Variants in CNTN4 observed in about 807,000 individuals in gnomAD.
CNTN4 encodes the protein contactin 4, also known as contactin-4.
Under a neutral mutation model 122.5 loss-of-function variants are expected in CNTN4, and 77 were observed. That is an observed-to-expected ratio of 0.63 (90% CI 0.52 to 0.76). CNTN4 has a LOEUF of 0.76. CNTN4 is among the 30% of genes least tolerant of loss of function. The probability of loss-of-function intolerance (pLI) is 0.00; values close to 1 mark genes in which losing one functional copy is unlikely to be tolerated. For missense variants in CNTN4, 1,256 were observed against 1,259.1 expected, an observed-to-expected ratio of 1.00 and a Z score of 0.04; for synonymous variants, 512 against 447.0, an observed-to-expected ratio of 1.15 and a Z score of -1.83.
chr3:3,037,225 T>C lies in CNTN4; in HGVS notation c.1989T>C (p.Gly663=), dbSNP rs561339404. The change falls in exon 18 of 25, where the codon GGT becomes GGC. Residue 663 remains glycine (G), a synonymous_variant. Transcript: ENST00000418658. ...DGKTFTATVV[G]LNPWVEYEFR... is the part of the protein sequence containing the mutation. The stretch of plus-strand genomic sequence containing the variant: ...AGACATTCACAGCGACCGTGGTGGG[T>C]TTGAACCCTTGGGTTGAATATGAAT... 6 of 1,614,192 alleles carry C rather than the reference T, an allele frequency of 3.7e-6. No individual in the cohort carries two copies. In the Admixed American group the frequency reaches 5.0e-5, roughly 13 times the overall value.
intron 2 of CNTN4, among the ~76,000 whole-genome samples, chr3:2,174,983 A>G (rs1272805655): frequency 1.3e-5 from 2 of 152,182 alleles, no homozygotes; most frequent in Admixed American, 1.3e-4. Flanking sequence ...CCCCATCTCC[A>G]AAACTGGAGT....
At chr3:2,321,188 T>A (rs2043265524) in intron 2 of CNTN4, among the ~76,000 whole-genome samples, 1 of 152,150 alleles carries the variant, frequency 6.6e-6, no homozygotes, top group African/African-American at 2.4e-5. Flanking sequence ...CTTATAAACA[T>A]GTCTTTGTTT....
intron 2 of CNTN4, among the ~76,000 whole-genome samples, chr3:2,161,932 G>A (rs114838307): frequency 1.7e-4 from 26 of 152,214 alleles, no homozygotes; most frequent in African/African-American, 5.8e-4. Flanking sequence ...AATCTGCTCC[G>A]TTCTTTGACA....
chr3:3,051,690 ATCTT>A (rs1241511140), intron 23 of CNTN4, among the ~76,000 whole-genome samples: 1 of 152,228 alleles, frequency 6.6e-6, no homozygotes, highest in Non-Finnish European at 1.5e-5. Context: ...ACACTTATGA[ATCTT>A]TCTACCTTAA....
At chr3:2,370,440 A>G (rs1217750185) in intron 3 of CNTN4, among the ~76,000 whole-genome samples, 1 of 152,190 alleles carries the variant, frequency 6.6e-6, no homozygotes, top group East Asian at 1.9e-4. Context: ...ACCATAGTCA[A>G]GTATAATGAC....
At chr3:2,684,352 G>T (rs1367718261) in intron 4 of CNTN4, among the ~76,000 whole-genome samples, 1 of 152,112 alleles carries the variant, frequency 6.6e-6, no homozygotes, top group Non-Finnish European at 1.5e-5. Flanking sequence ...GACAGCTAGG[G>T]GAGTAAGGAA....
intron 7 of CNTN4, among the ~76,000 whole-genome samples, chr3:2,840,985 A>T (rs142341330): frequency 1.1e-4 from 16 of 152,276 alleles, no homozygotes; most frequent in African/African-American, 3.6e-4. Flanking sequence ...TTGCCAGGGT[A>T]CTTGTTTCTC....
At chr3:2,919,333 C>G (rs1324940841) in intron 12 of CNTN4, among the ~76,000 whole-genome samples, 3 of 131,836 alleles carry the variant, frequency 2.3e-5, no homozygotes, top group Non-Finnish European at 3.1e-5. Flanking sequence ...GCCTGGGTGA[C>G]AGAGCAAGAC....
intron 3 of CNTN4, among the ~76,000 whole-genome samples, chr3:2,348,049 T>G (rs1163487447): frequency 6.6e-6 from 1 of 152,216 alleles, no homozygotes; most frequent in Non-Finnish European, 1.5e-5. Context: ...TTCGTAATTT[T>G]ATAGTTTGAG....
intron 2 of CNTN4, among the ~76,000 whole-genome samples, chr3:2,322,203 A>C (rs951328335): frequency 3.3e-5 from 5 of 152,176 alleles, no homozygotes; most frequent in Non-Finnish European, 5.9e-5. Flanking sequence ...ATCAAAATTT[A>C]ATTTGAAAGC....
chr3:2,183,779 G>T (rs530307753), intron 2 of CNTN4, among the ~76,000 whole-genome samples: 1 of 152,220 alleles, frequency 6.6e-6, no homozygotes, highest in African/African-American at 2.4e-5. Context: ...ATTTGAGAAT[G>T]ATAGTCACAT....
chr3:2,180,433 A>G (rs1255652772), intron 2 of CNTN4, among the ~76,000 whole-genome samples: 1 of 152,040 alleles, frequency 6.6e-6, no homozygotes, highest in African/African-American at 2.4e-5. Flanking sequence ...ATCATCTTTG[A>G]CCACAGATTT....
intron 2 of CNTN4, among the ~76,000 whole-genome samples, chr3:2,176,336 T>C (rs1443623362): frequency 6.6e-6 from 1 of 152,158 alleles, no homozygotes; most frequent in African/African-American, 2.4e-5. Flanking sequence ...ATGAGTTTGC[T>C]AAATAGAATA....
chr3:2,332,808 G>A (rs2043790728), intron 2 of CNTN4, among the ~76,000 whole-genome samples: 1 of 151,448 alleles, frequency 6.6e-6, no homozygotes, highest in Non-Finnish European at 1.5e-5. Context: ...CAGCACACCA[G>A]CATGGCACAT....
At chr3:2,287,754 GAA>G (rs2041990305) in intron 2 of CNTN4, among the ~76,000 whole-genome samples, 3 of 144,964 alleles carry the variant, frequency 2.1e-5, no homozygotes, top group South Asian at 2.2e-4. Flanking sequence ...AGAAGAAGAA[GAA>G]GAAGAAGAAG....
intron 4 of CNTN4, among the ~76,000 whole-genome samples, chr3:2,656,797 T>C (rs976817744): frequency 3.9e-5 from 6 of 152,212 alleles, no homozygotes; most frequent in African/African-American, 1.4e-4. Flanking sequence ...TGTCGGTATC[T>C]GTTCAAGTAT....
chr3:2,795,494 C>A lies in CNTN4; in HGVS notation c.359-23992C>A, dbSNP rs182322479. Among the ~76,000 whole-genome samples the A allele has an allele frequency of 2.0e-5, 3 of 150,540 alleles. No homozygotes were observed. In the Admixed American group the frequency reaches 2.0e-4, roughly 10 times the overall value. ...AGCATCATTTTTTCGTCTTAGCAGT[C>A]TTATATTAGAGTAACAAATGGGTAT... On this transcript the variant is annotated intron_variant, in intron 6 of 24. Transcript: ENST00000418658.
chr3:2,964,409 A>C (rs2125036675), intron 13 of CNTN4, among the ~76,000 whole-genome samples: 1 of 152,344 alleles, frequency 6.6e-6, no homozygotes, highest in Non-Finnish European at 1.5e-5. Flanking sequence ...ATTGCTTAGT[A>C]ACTCTGTCAA....
chr3:3,019,547 A>G (rs55754149), intron 14 of CNTN4, among the ~76,000 whole-genome samples: 11,766 of 151,840 alleles, frequency 0.077, 584 homozygotes, highest in Admixed American at 0.11. Flanking sequence ...TGCCTGCCTC[A>G]GCCTCCCAAA....
Sources: allele counts gnomAD v4.1 joint callset (sites outside exome capture counted in the v4.1 genomes callset), GRCh38; gene constraint gnomAD v4.1.1; transcripts MANE v1.5; gene names NCBI Gene and HGNC (gene_info 2026-07-23, HGNC 2026-07-21).